SCFD2: variants seen among roughly 807,000 people sequenced by gnomAD.
The protein encoded by SCFD2 is sec1 family domain-containing protein 2.
Under a neutral mutation model 58.9 loss-of-function variants are expected in SCFD2, and 54 were observed. The ratio of observed to expected loss-of-function variants is 0.92; its 90% CI spans 0.74 to 1.15. SCFD2 has a LOEUF of 1.15. Among genes scored for constraint, SCFD2 ranks in the 50% most tolerant of loss-of-function variants. SCFD2 has a pLI of 0.00. For missense variants in SCFD2, 805 were observed against 836.6 expected (o/e 0.96, Z 0.47); for synonymous variants, 321 against 335.9 (o/e 0.96, Z 0.49).
intron 3 of SCFD2, among the ~76,000 whole-genome samples, chr4:53,279,086 A>T (rs756079962): frequency 1.3e-4 from 20 of 152,210 alleles, no homozygotes; most frequent in South Asian, 4.1e-4. Flanking sequence ...CAGAATATTT[A>T]TTCATACTTC....
chr4:53,278,383 AAG>A (rs1731400758), intron 3 of SCFD2, among the ~76,000 whole-genome samples: 1 of 151,648 alleles, frequency 6.6e-6, no homozygotes, highest in African/African-American at 2.4e-5. Flanking sequence ...AGAAAAAAGA[AAG>A]AGAAAAATTA....
chr4:52,951,918 G>A (rs140516472), intron 5 of SCFD2, among the ~76,000 whole-genome samples: 21 of 152,310 alleles, frequency 1.4e-4, no homozygotes, highest in East Asian at 7.7e-4. Flanking sequence ...ACTTAATGGC[G>A]ATGGAGGATT....
At chr4:52,974,027 G>A (rs1331523874) in intron 5 of SCFD2, among the ~76,000 whole-genome samples, 1 of 152,014 alleles carries the variant, frequency 6.6e-6, no homozygotes, top group African/African-American at 2.4e-5. Flanking sequence ...TCTCAAAATA[G>A]TAAGAGCTAT....
At chr4:53,312,051 G>A (rs1465892324) in intron 3 of SCFD2, among the ~76,000 whole-genome samples, 1 of 152,094 alleles carries the variant, frequency 6.6e-6, no homozygotes, top group African/African-American at 2.4e-5. Context: ...GAGAGAAGGG[G>A]ATGGGAGATG....
intron 3 of SCFD2, among the ~76,000 whole-genome samples, chr4:53,291,984 T>C (rs1004930923): frequency 1.3e-5 from 2 of 152,144 alleles, no homozygotes; most frequent in South Asian, 2.1e-4. Flanking sequence ...TAATTCAAAA[T>C]TTTTTTAATT....
intron 4 of SCFD2, among the ~76,000 whole-genome samples, chr4:53,166,403 G>A (rs776693398): frequency 6.6e-5 from 10 of 152,114 alleles, no homozygotes; most frequent in African/African-American, 1.9e-4. Flanking sequence ...GAAACAAACC[G>A]GCTGCTTGCT....
At chr4:53,164,339 T>A (rs1726940485) in intron 4 of SCFD2, among the ~76,000 whole-genome samples, 1 of 152,060 alleles carries the variant, frequency 6.6e-6, no homozygotes, top group Admixed American at 6.5e-5. Flanking sequence ...CACAGCCAAC[T>A]CCTTCAGACT....
Position 53,224,880 on chromosome 4 carries a change from G to T in SCFD2, c.1311+48946C>A, listed in dbSNP as rs745666541. ...CTTCACCTTTTTTTATTATTTAACA[G>T]AGTTAGCTTCATGGTATATATGTAG... On this transcript the variant is annotated intron_variant, in intron 4 of 8. Transcript: ENST00000401642. Among the ~76,000 whole-genome samples, 107 of 152,054 alleles carry T rather than the reference G, an allele frequency of 7.0e-4. No individual in the cohort carries two copies. In the Middle Eastern group the frequency reaches 0.02, roughly 29 times the overall value.
Position 53,366,036 on chromosome 4 carries a change from CT to C in SCFD2, c.-96del. 7.1e-7 allele frequency: 1 copy of C among 1,411,166 alleles called. No individual in the cohort carries two copies. The highest frequency in any genetic ancestry group is 1.4e-5 in the South Asian group (1 of 71,964). 87.4% of individuals were successfully genotyped at this position (1,411,166 alleles called of 1,614,324 possible). A position where few individuals can be genotyped will look rare whatever the true frequency, so the allele number is the denominator to read the frequency against. On this transcript the variant is annotated 5_prime_UTR_variant, in exon 1 of 9. Transcript: ENST00000401642. Reference sequence around the variant, plus strand: ...TTGGGCTCCGGGAGACTTTGACAGTCTCCACAGTACACGTGGTCGGCCTCTG... The same window carrying C: ...TTGGGCTCCGGGAGACTTTGACAGTCCCACAGTACACGTGGTCGGCCTCTG...
intron 5 of SCFD2, among the ~76,000 whole-genome samples, chr4:52,946,194 G>T (rs1331730203): frequency 1.3e-5 from 2 of 152,030 alleles, no homozygotes; most frequent in Non-Finnish European, 2.9e-5. Context: ...ACCACAGTTA[G>T]TTCTGATGGT....
At chr4:53,043,151 G>A (rs144135220) in intron 5 of SCFD2, among the ~76,000 whole-genome samples, 13 of 152,102 alleles carry the variant, frequency 8.5e-5, no homozygotes, top group Non-Finnish European at 1.8e-4. Flanking sequence ...GAGGGAAGGA[G>A]GTTAGGAAAA....
chr4:52,912,439 C>T lies in SCFD2; in HGVS notation c.1708-4848G>A, dbSNP rs369707834. On this transcript the variant is annotated intron_variant, in intron 6 of 8. Coordinates refer to ENST00000401642, the MANE Select transcript of SCFD2 (RefSeq NM_152540.4). ...TTTCTTTATCTATTTTTAATTGTAACCAAAAGCATAGTAAACGATGTAAAT... is the reference window on the plus strand; with the variant it reads ...TTTCTTTATCTATTTTTAATTGTAATCAAAAGCATAGTAAACGATGTAAAT... Among the ~76,000 whole-genome samples, 89 of 151,750 alleles carry T rather than the reference C, an allele frequency of 5.9e-4. 1 individual carries two copies. In the South Asian group the frequency reaches 0.017, roughly 29 times the overall value.
chr4:53,243,451 A>T (rs991694525), intron 4 of SCFD2, among the ~76,000 whole-genome samples: 15 of 152,092 alleles, frequency 9.9e-5, no homozygotes, highest in African/African-American at 3.6e-4. Flanking sequence ...TAATTACCAG[A>T]CCTGCCTTAC....
intron 5 of SCFD2, among the ~76,000 whole-genome samples, chr4:53,002,097 A>G (rs1213107640): frequency 6.6e-6 from 1 of 152,196 alleles, no homozygotes; most frequent in Non-Finnish European, 1.5e-5. Flanking sequence ...AGAAGGGAAG[A>G]GGAAGGTCAG....
intron 2 of SCFD2, among the ~76,000 whole-genome samples, chr4:53,314,871 A>G (rs952146992): frequency 6.6e-6 from 1 of 152,168 alleles, no homozygotes; most frequent in Non-Finnish European, 1.5e-5. Flanking sequence ...ACTGCTCAAC[A>G]TACTCCACTT....
intron 5 of SCFD2, chr4:52,956,533 A>T: frequency 3.8e-6 from 1 of 263,886 alleles, no homozygotes; most frequent in Non-Finnish European, 7.5e-6. Context: ...TCTAAGGCTC[A>T]GTTTAATTCT....
intron 5 of SCFD2, among the ~76,000 whole-genome samples, chr4:53,075,258 T>A (rs1305943468): frequency 6.6e-6 from 1 of 152,228 alleles, no homozygotes; most frequent in Non-Finnish European, 1.5e-5. Context: ...TTGATAGAAT[T>A]GAAAATATTT....
chr4:53,290,046 AT>A (rs1170115821), intron 3 of SCFD2, among the ~76,000 whole-genome samples: 3 of 152,220 alleles, frequency 2.0e-5, no homozygotes, highest in Non-Finnish European at 4.4e-5. Context: ...CAATACCCCC[AT>A]TTGAACAATG....
intron 2 of SCFD2, among the ~76,000 whole-genome samples, chr4:53,345,254 A>G (rs1477062249): frequency 6.6e-6 from 1 of 152,044 alleles, no homozygotes; most frequent in Non-Finnish European, 1.5e-5. Flanking sequence ...AATTTACAAG[A>G]AAAAAAACAA....
Sources: allele counts gnomAD v4.1 joint callset (sites outside exome capture counted in the v4.1 genomes callset), GRCh38; gene constraint gnomAD v4.1.1; transcripts MANE v1.5; gene names NCBI Gene and HGNC (gene_info 2026-07-23, HGNC 2026-07-21).